MSR1: variants seen among roughly 807,000 people sequenced by gnomAD.
MSR1 encodes the protein macrophage scavenger receptor 1, also known as macrophage scavenger receptor types I and II.
Under a neutral mutation model 47.2 loss-of-function variants are expected in MSR1, and 53 were observed. That is an observed-to-expected ratio of 1.12 (90% CI 0.90 to 1.41). The LOEUF (loss-of-function observed/expected upper bound fraction) is 1.41. Among genes scored for constraint, MSR1 ranks in the 40% most tolerant of loss-of-function variants. MSR1 has a pLI of 0.00. For missense variants in MSR1, 786 were observed against 546.9 expected (o/e 1.44, Z -4.36); for synonymous variants, 239 against 185.6 (o/e 1.29, Z -2.34).
At chr8:16,168,368 T>C in intron 4 of MSR1, 90 bp downstream of exon 4, 2 of 1,330,022 alleles carry the variant, frequency 1.5e-6, no homozygotes, top group East Asian at 2.3e-5. Flanking sequence ...AAACAGGGTT[T>C]GCAACTTTTG....
chr8:16,143,532 C>T (rs780997352), intron 8 of MSR1, 26 bp downstream of exon 8: 5 of 1,604,370 alleles, frequency 3.1e-6, no homozygotes, highest in Non-Finnish European at 3.4e-6. Flanking sequence ...AGAATTCACA[C>T]AGAAAACAAA....
At chr8:16,146,713 G>T (rs1187839887) in intron 7 of MSR1, among the ~76,000 whole-genome samples, 2 of 151,986 alleles carry the variant, frequency 1.3e-5, no homozygotes, top group Non-Finnish European at 2.9e-5. Flanking sequence ...GTTCATCTCA[G>T]CCTGTACTTC....
Position 16,126,718 on chromosome 8 carries a change from G to A in MSR1, c.1034-6112C>T, listed in dbSNP as rs150635453. Among the ~76,000 whole-genome samples the A allele has an allele frequency of 3.2e-4, 48 of 152,212 alleles. 1 individual carries two copies. The highest frequency in any genetic ancestry group is 4.9e-4 in the Non-Finnish European group (33 of 67,992). ...CAAGTATTTGGGACAGAGTCAAGAGGAGATATTTTTGTATTTTTTGAAGAG... is the reference window on the plus strand; with the variant it reads ...CAAGTATTTGGGACAGAGTCAAGAGAAGATATTTTTGTATTTTTTGAAGAG... On this transcript the variant is annotated intron_variant, in intron 8 of 9. Transcript: ENST00000262101.
intron 6 of MSR1, among the ~76,000 whole-genome samples, chr8:16,151,301 A>G (rs1041571611): frequency 1.3e-5 from 2 of 152,114 alleles, no homozygotes; most frequent in African/African-American, 4.8e-5. Flanking sequence ...ACTAAAAATC[A>G]AGGATGTTCA....
intron 8 of MSR1, among the ~76,000 whole-genome samples, chr8:16,137,341 C>T (rs909543634): frequency 2.6e-5 from 4 of 152,040 alleles, no homozygotes; most frequent in Admixed American, 6.6e-5. Flanking sequence ...TTTGATCTGC[C>T]GTAAGAATTT....
At chr8:16,114,418 A>G (rs1476676435) in intron 9 of MSR1, among the ~76,000 whole-genome samples, 1 of 152,170 alleles carries the variant, frequency 6.6e-6, no homozygotes, top group Non-Finnish European at 1.5e-5. Flanking sequence ...TAGTTACTCC[A>G]GATCTTACTT....
intron 1 of MSR1, among the ~76,000 whole-genome samples, chr8:16,188,735 G>T (rs1386362154): frequency 6.6e-6 from 1 of 151,850 alleles, no homozygotes; most frequent in African/African-American, 2.4e-5. Context: ...CTGTTCAACT[G>T]TCACTTATGA....
intron 3 of MSR1, among the ~76,000 whole-genome samples, chr8:16,172,569 AT>A (rs1273765935): frequency 1.3e-5 from 2 of 152,134 alleles, no homozygotes; most frequent in African/African-American, 4.8e-5. Context: ...ACAGGGTTAT[AT>A]TTGATTCTAC....
chr8:16,133,011 G>A (rs910102569), intron 8 of MSR1, among the ~76,000 whole-genome samples: 1 of 152,114 alleles, frequency 6.6e-6, no homozygotes, highest in East Asian at 1.9e-4. Context: ...AGCGTTTGCT[G>A]TATCTATTGA....
At chr8:16,170,160 C>G (rs1010960757) in intron 3 of MSR1, among the ~76,000 whole-genome samples, 1 of 151,954 alleles carries the variant, frequency 6.6e-6, no homozygotes, top group Non-Finnish European at 1.5e-5. Flanking sequence ...CCATCCTGGC[C>G]AACATGATGA....
chr8:16,178,096 A>G, intron 1 of MSR1, 104 bp from the exon 2 acceptor site: 1 of 864,718 alleles, frequency 1.2e-6, no homozygotes, highest in Non-Finnish European at 1.8e-6. Context: ...GAATCTATTC[A>G]GTTTTTCTTT....
intron 9 of MSR1, among the ~76,000 whole-genome samples, chr8:16,117,408 A>G (rs1799901921): frequency 6.6e-6 from 1 of 152,146 alleles, no homozygotes; most frequent in Admixed American, 6.5e-5. Context: ...GCACAGAGAC[A>G]ATAGTAAATC....
chr8:16,122,689 T>C (rs2117066755), intron 8 of MSR1, among the ~76,000 whole-genome samples: 1 of 152,172 alleles, frequency 6.6e-6, no homozygotes, highest in East Asian at 1.9e-4. Context: ...AGTATATATT[T>C]AGAAGAGGAG....
Position 16,144,885 on chromosome 8 carries a change from T to C in MSR1, c.980-1274A>G, listed in dbSNP as rs1800657376. 5.3e-5 allele frequency among the ~76,000 whole-genome samples: 8 copies of C among 152,216 alleles called. 1 individual carries two copies. The South Asian group carries it at 1.7e-3, about 32-fold the overall frequency. On this transcript the variant is annotated intron_variant, in intron 7 of 9. Coordinates refer to ENST00000262101, the MANE Select transcript of MSR1 (RefSeq NM_138715.3). ...TATATGGTACAATTATATATAATTT[T>C]AGTGTTTATATTTATTTTTGATTTC...
intron 1 of MSR1, among the ~76,000 whole-genome samples, chr8:16,186,449 T>G (rs975457063): frequency 6.6e-5 from 10 of 152,134 alleles, no homozygotes; most frequent in African/African-American, 2.4e-4. Flanking sequence ...ACAACACCCC[T>G]GCTTAGAATT....
intron 6 of MSR1, among the ~76,000 whole-genome samples, chr8:16,150,853 CACA>C (rs1800836899): frequency 3.9e-5 from 2 of 51,902 alleles, no homozygotes; most frequent in African/African-American, 5.1e-5. Context: ...TAAACATAAA[CACA>C]CACACACACA....
chr8:16,165,221 A>T (rs1401458510), intron 4 of MSR1, among the ~76,000 whole-genome samples: 1 of 152,116 alleles, frequency 6.6e-6, no homozygotes, highest in African/African-American at 2.4e-5. Context: ...TACTCTCCAA[A>T]TATATGCTAC....
At chr8:16,120,113 C>G (rs1029204152) in intron 9 of MSR1, among the ~76,000 whole-genome samples, 1 of 151,866 alleles carries the variant, frequency 6.6e-6, no homozygotes, top group African/African-American at 2.4e-5. Context: ...CGCGGTGGCT[C>G]TCGCCTGTAA....
At chr8:16,172,066 G>A (rs976639332) in intron 3 of MSR1, among the ~76,000 whole-genome samples, 2 of 152,138 alleles carry the variant, frequency 1.3e-5, no homozygotes, top group African/African-American at 4.8e-5. Flanking sequence ...TTAACTATGG[G>A]GAAGTAGCAT....
Sources: gnomAD v4.1 joint callset for allele counts (sites outside exome capture counted in the v4.1 genomes callset) on GRCh38, gnomAD v4.1.1 for gene constraint, MANE v1.5 for transcripts, NCBI Gene and HGNC (gene_info 2026-07-23, HGNC 2026-07-21) for gene names.